Variants in LRFN2 observed in about 807,000 individuals in gnomAD.
LRFN2 encodes leucine rich repeat and fibronectin type III domain containing 2, also known as leucine-rich repeat and fibronectin type-III domain-containing protein 2.
A neutral mutation model predicts 37.3 loss-of-function variants in LRFN2; 18 were observed. The ratio of observed to expected loss-of-function variants is 0.48; its 90% CI spans 0.33 to 0.72. The LOEUF (loss-of-function observed/expected upper bound fraction) is 0.72. Among genes scored for constraint, LRFN2 ranks in the 30% least tolerant of loss-of-function variants. The probability of loss-of-function intolerance (pLI) is 0.02; values close to 1 mark genes in which losing one functional copy is unlikely to be tolerated. For missense variants in LRFN2, 1,006 were observed against 1,060.7 expected (o/e 0.95, Z 0.72); for synonymous variants, 556 against 466.6 (o/e 1.19, Z -2.47).
intron 1 of LRFN2, among the ~76,000 whole-genome samples, chr6:40,459,821 C>T (rs997638815): frequency 6.6e-5 from 10 of 152,200 alleles, no homozygotes; most frequent in East Asian, 1.9e-4. Context: ...ATCTTTGTCT[C>T]TGGCTAGGGG....
intron 1 of LRFN2, among the ~76,000 whole-genome samples, chr6:40,445,551 A>G (rs557670517): frequency 1.8e-4 from 27 of 152,302 alleles, no homozygotes; most frequent in African/African-American, 5.5e-4. Context: ...AGTTGTCTTA[A>G]TGAGGACATT....
chr6:40,447,749 C>A (rs749697929), intron 1 of LRFN2, among the ~76,000 whole-genome samples: 1 of 152,048 alleles, frequency 6.6e-6, no homozygotes, highest in Non-Finnish European at 1.5e-5. Flanking sequence ...TAAGGTGAGG[C>A]CCATCAAGGT....
intron 1 of LRFN2, among the ~76,000 whole-genome samples, chr6:40,585,279 A>G (rs1428809939): frequency 2.0e-5 from 3 of 152,176 alleles, no homozygotes; most frequent in Non-Finnish European, 4.4e-5. Flanking sequence ...AGGGCTGGGC[A>G]GGGGGCCTGA....
chr6:40,557,876 G>A (rs6906022), intron 1 of LRFN2, among the ~76,000 whole-genome samples: 72,144 of 152,034 alleles, frequency 0.47, 18,163 homozygotes, highest in African/African-American at 0.65. Context: ...ACTTCTATGG[G>A]AGTGATTATT....
chr6:40,392,411 C>T lies in LRFN2; in HGVS notation c.1902G>A (p.Gly634=), dbSNP rs1274921811. Residue 634 remains glycine, a synonymous_variant, in exon 3 of 3, where the codon GGG becomes GGA. Coordinates refer to ENST00000338305, the MANE Select transcript of LRFN2 (RefSeq NM_020737.3). This position sits in a 1 kb window ranked among gnomAD's most constrained non-coding sequence, Gnocchi z 4.7. ...GGATCCTCCAGGGGGCCCGTCCCAG[C>T]CCCGCAGCCTCCCCACTGCCCAGGG... is the stretch of plus-strand genomic sequence containing the variant. ...SSSLGSGEAA[G]LGRAPWRIPP... 1 of 1,569,838 alleles carries T rather than the reference C, an allele frequency of 6.4e-7. No homozygotes were observed. The highest frequency in any genetic ancestry group is 8.6e-7 in the Non-Finnish European group (1 of 1,157,644).
At chr6:40,496,222 C>T (rs1765222627) in intron 1 of LRFN2, among the ~76,000 whole-genome samples, 2 of 152,188 alleles carry the variant, frequency 1.3e-5, no homozygotes, top group African/African-American at 4.8e-5. Context: ...CTGCCTGGTC[C>T]ATGTCACCAT....
At chr6:40,577,108 C>CCTCT (rs1767297760) in intron 1 of LRFN2, among the ~76,000 whole-genome samples, 2 of 104,584 alleles carry the variant, frequency 1.9e-5, no homozygotes, top group South Asian at 3.4e-4. Flanking sequence ...CTTTTCCTTT[C>CCTCT]TTTTCTTTTT....
intron 1 of LRFN2, among the ~76,000 whole-genome samples, chr6:40,538,302 A>T (rs1766489099): frequency 6.6e-6 from 1 of 151,770 alleles, no homozygotes; most frequent in Non-Finnish European, 1.5e-5. Flanking sequence ...GGCTTCCCCT[A>T]CTCCCGGGCC....
intron 2 of LRFN2, among the ~76,000 whole-genome samples, chr6:40,404,775 T>C (rs925431163): frequency 6.6e-6 from 1 of 152,028 alleles, no homozygotes; most frequent in African/African-American, 2.4e-5. Flanking sequence ...TGAATTTGTC[T>C]TGGAGGCTTT....
chr6:40,562,700 T>C (rs1160366257), intron 1 of LRFN2, among the ~76,000 whole-genome samples: 1 of 152,046 alleles, frequency 6.6e-6, no homozygotes, highest in African/African-American at 2.4e-5. Context: ...ATTAATCAGC[T>C]AGAGAAAGCT....
intron 2 of LRFN2, among the ~76,000 whole-genome samples, chr6:40,398,094 G>A (rs1762652234): frequency 6.6e-6 from 1 of 151,940 alleles, no homozygotes; most frequent in South Asian, 2.1e-4. Flanking sequence ...CTGGGCTAGT[G>A]CAGGCTTTCT....
chr6:40,565,434 C>T lies in LRFN2; in HGVS notation c.-19+21507G>A, dbSNP rs1258692797. ...AAGAGCCTGCATTGCCAAGTCAATC[C>T]TAAGCCAAAAGAACAAAGCTGGAGG... is the stretch of plus-strand genomic sequence containing the variant. On this transcript the variant is annotated intron_variant, in intron 1 of 2. Coordinates refer to ENST00000338305, the MANE Select transcript of LRFN2 (RefSeq NM_020737.3). Among the ~76,000 whole-genome samples, 13 of 152,062 alleles carry T rather than the reference C, an allele frequency of 8.5e-5. 1 individual carries two copies. In the South Asian group the frequency reaches 1.7e-3, roughly 19 times the overall value.
At chr6:40,437,706 G>A (rs1195386675) in intron 1 of LRFN2, among the ~76,000 whole-genome samples, 2 of 152,158 alleles carry the variant, frequency 1.3e-5, no homozygotes, top group Non-Finnish European at 2.9e-5. Context: ...AAGTTGGGAG[G>A]GAGACAAGGG....
intron 1 of LRFN2, among the ~76,000 whole-genome samples, chr6:40,534,642 A>C (rs1766416899): frequency 6.6e-6 from 1 of 152,176 alleles, no homozygotes; most frequent in Admixed American, 6.5e-5. Flanking sequence ...GAGAAAATAC[A>C]CACAGTGAGC....
At chr6:40,581,952 T>C (rs931405804) in intron 1 of LRFN2, among the ~76,000 whole-genome samples, 6 of 152,182 alleles carry the variant, frequency 3.9e-5, no homozygotes, top group African/African-American at 1.4e-4. Flanking sequence ...CTGGCTTCTT[T>C]GACTAAAGCC....
At chr6:40,576,469 G>A (rs992541285) in intron 1 of LRFN2, among the ~76,000 whole-genome samples, 4 of 152,184 alleles carry the variant, frequency 2.6e-5, no homozygotes, top group South Asian at 2.1e-4. Context: ...GCATTGCAGC[G>A]CAGCAGCATG....
At chr6:40,554,205 A>C (rs2113924625) in intron 1 of LRFN2, among the ~76,000 whole-genome samples, 1 of 152,368 alleles carries the variant, frequency 6.6e-6, no homozygotes, top group South Asian at 2.1e-4. Flanking sequence ...GTGCTGGTCA[A>C]GAACAGGCTA....
intron 1 of LRFN2, among the ~76,000 whole-genome samples, chr6:40,495,954 G>C (rs1251064399): frequency 6.6e-6 from 1 of 151,998 alleles, no homozygotes; most frequent in Non-Finnish European, 1.5e-5. Context: ...GATATCTATT[G>C]GGCACCTTGA....
At chr6:40,446,585 C>T (rs540176476) in intron 1 of LRFN2, among the ~76,000 whole-genome samples, 9 of 152,308 alleles carry the variant, frequency 5.9e-5, no homozygotes, top group South Asian at 4.1e-4. Context: ...ACATCATTAG[C>T]GGCGATATGT....
Sources: gnomAD v4.1 joint callset for allele counts (sites outside exome capture counted in the v4.1 genomes callset) on GRCh38, gnomAD v4.1.1 for gene constraint, Gnocchi (gnomAD v3.1) non-coding constraint, MANE v1.5 for transcripts, NCBI Gene and HGNC (gene_info 2026-07-23, HGNC 2026-07-21) for gene names.